MYRIP: variants seen among roughly 807,000 people sequenced by gnomAD.
MYRIP encodes the protein myosin VIIA and Rab interacting protein, also known as rab effector MyRIP.
Under a neutral mutation model 98.0 loss-of-function variants are expected in MYRIP, and 49 were observed. The ratio of observed to expected loss-of-function variants is 0.50; its 90% CI spans 0.40 to 0.63. The LOEUF (loss-of-function observed/expected upper bound fraction) is 0.63. Ranked by LOEUF, MYRIP falls within the 30% of genes least tolerant of loss-of-function variation. The pLI, the probability that MYRIP is intolerant of heterozygous loss-of-function variation, is 0.00. For missense variants in MYRIP, 1,004 were observed against 1,058.2 expected, an observed-to-expected ratio of 0.95 and a Z score of 0.71; for synonymous variants, 404 against 409.5, an observed-to-expected ratio of 0.99 and a Z score of 0.16.
chr3:39,949,919 G>T (rs926164711), intron 2 of MYRIP, among the ~76,000 whole-genome samples: 1 of 152,152 alleles, frequency 6.6e-6, no homozygotes, highest in Middle Eastern at 3.2e-3. Flanking sequence ...GAAGATAAAA[G>T]ATGTTGAAGA....
intron 4 of MYRIP, among the ~76,000 whole-genome samples, chr3:40,154,736 T>C (rs1483292547): frequency 6.6e-6 from 1 of 152,016 alleles, no homozygotes; most frequent in Non-Finnish European, 1.5e-5. Context: ...GATGCATTGT[T>C]CCCCCTGCTG....
intron 2 of MYRIP, among the ~76,000 whole-genome samples, chr3:39,942,186 G>A (rs1944801394): frequency 6.6e-6 from 1 of 152,106 alleles, no homozygotes; most frequent in South Asian, 2.1e-4. Flanking sequence ...GTTCAGAGTT[G>A]GAAATGTGTG....
intron 1 of MYRIP, among the ~76,000 whole-genome samples, chr3:39,839,691 C>T (rs144281434): frequency 4.9e-4 from 75 of 152,166 alleles, no homozygotes; most frequent in African/African-American, 1.7e-3. Context: ...TGTCTTTGTT[C>T]TCATTGGTTG....
chr3:40,030,232 C>T (rs2125817314), intron 2 of MYRIP, among the ~76,000 whole-genome samples: 1 of 152,104 alleles, frequency 6.6e-6, no homozygotes, highest in East Asian at 1.9e-4. Flanking sequence ...CCAATAAACA[C>T]ATGAAAAGAT....
At chr3:40,009,893 G>T (rs548184150) in intron 2 of MYRIP, among the ~76,000 whole-genome samples, 1 of 152,200 alleles carries the variant, frequency 6.6e-6, no homozygotes. Context: ...GGCAACTGAG[G>T]TCAGCGAGTT....
intron 1 of MYRIP, among the ~76,000 whole-genome samples, chr3:39,869,426 C>T (rs1481090869): frequency 6.6e-6 from 1 of 152,058 alleles, no homozygotes; most frequent in African/African-American, 2.4e-5. Flanking sequence ...ATTTCTATCT[C>T]TCTATTGATA....
At position 39,839,503 on chromosome 3, in the gene MYRIP, C is replaced by A. The variant is rs533867103; in HGVS notation, c.-31+29587C>A. 2.0e-5 allele frequency among the ~76,000 whole-genome samples: 3 copies of A among 152,278 alleles called. No individual in the cohort carries two copies. The East Asian group carries it at 5.8e-4, about 29-fold the overall frequency. On this transcript the variant is annotated intron_variant, in intron 1 of 16. Coordinates refer to ENST00000302541, the MANE Select transcript of MYRIP (RefSeq NM_015460.4). Reference sequence around the variant, plus strand: ...AAACTCCTGACCTCACGTGATCTGCCCACCTTGGCCTCGCAAAATGTTGTG... The same window carrying A: ...AAACTCCTGACCTCACGTGATCTGCACACCTTGGCCTCGCAAAATGTTGTG...
At chr3:40,145,866 C>A (rs1559419931) in intron 3 of MYRIP, among the ~76,000 whole-genome samples, 1 of 152,162 alleles carries the variant, frequency 6.6e-6, no homozygotes, top group Non-Finnish European at 1.5e-5. Flanking sequence ...TGGGAGAAGA[C>A]TTCAACAACA....
At chr3:40,148,306 G>T (rs1308892292) in intron 3 of MYRIP, among the ~76,000 whole-genome samples, 1 of 152,166 alleles carries the variant, frequency 6.6e-6, no homozygotes, top group Non-Finnish European at 1.5e-5. Context: ...CAATTGGTAG[G>T]CCGTCTTAAC....
At chr3:39,992,255 C>T (rs541783639) in intron 2 of MYRIP, among the ~76,000 whole-genome samples, 1 of 152,090 alleles carries the variant, frequency 6.6e-6, no homozygotes, top group East Asian at 1.9e-4. Flanking sequence ...CTTTCATCCC[C>T]GGACTCTTTC....
intron 2 of MYRIP, among the ~76,000 whole-genome samples, chr3:39,994,136 G>A (rs1255076710): frequency 1.3e-5 from 2 of 152,222 alleles, no homozygotes; most frequent in African/African-American, 4.8e-5. Context: ...GGTGATTTCT[G>A]CATTTCCAAC....
At chr3:40,127,104 C>G (rs1012874865) in intron 3 of MYRIP, among the ~76,000 whole-genome samples, 1 of 152,148 alleles carries the variant, frequency 6.6e-6, no homozygotes, top group Non-Finnish European at 1.5e-5. Context: ...AGAATAACAA[C>G]CCTTTTGTTT....
At chr3:40,056,844 T>C (rs1343564019) in intron 3 of MYRIP, among the ~76,000 whole-genome samples, 2 of 152,142 alleles carry the variant, frequency 1.3e-5, no homozygotes, top group Non-Finnish European at 2.9e-5. Flanking sequence ...GTGGTATGTG[T>C]TGGAATTACA....
chr3:39,832,429 G>A (rs1941479317), intron 1 of MYRIP, among the ~76,000 whole-genome samples: 1 of 152,134 alleles, frequency 6.6e-6, no homozygotes, highest in Non-Finnish European at 1.5e-5. Flanking sequence ...TTAAACTGAA[G>A]TAGGTCTCAA....
rs192469632 is a variant in MYRIP, at chr3:40,081,743, A to T, written c.332+37472A>T. Reference sequence around the variant, plus strand: ...TGAAATACAACGTATATTATTAGCTATAGTCAACATGTTGTGTAGTAGATC... The same window carrying T: ...TGAAATACAACGTATATTATTAGCTTTAGTCAACATGTTGTGTAGTAGATC... On this transcript the variant is annotated intron_variant, in intron 3 of 16. Transcript: ENST00000302541. 5.3e-5 allele frequency among the ~76,000 whole-genome samples: 8 copies of T among 152,354 alleles called. No homozygotes were observed. The South Asian group carries it at 8.3e-4, about 16-fold the overall frequency.
rs191214633 is a variant in MYRIP, at chr3:40,113,547, G to C, written c.333-37501G>C. Among the ~76,000 whole-genome samples, 434 of 152,334 alleles carry C rather than the reference G, an allele frequency of 2.8e-3. 3 individuals carry two copies. Among genetic ancestry groups the C allele is most frequent in the Admixed American group, 4.1e-3 (62 of 15,300 alleles). ...ATAGTTATTTAATAAATACTGCTGG[G>C]ACAACTGGTTACCCATTTGGAAACA... is the stretch of plus-strand genomic sequence containing the variant. On this transcript the variant is annotated intron_variant, in intron 3 of 16. Coordinates refer to ENST00000302541, the MANE Select transcript of MYRIP (RefSeq NM_015460.4).
intron 2 of MYRIP, among the ~76,000 whole-genome samples, chr3:40,015,391 GA>G (rs1033559339): frequency 4.9e-4 from 74 of 152,324 alleles, no homozygotes; most frequent in African/African-American, 1.7e-3. Flanking sequence ...AGACAAGTGA[GA>G]GAAGCTTTGA....
chr3:39,989,215 T>G lies in MYRIP; in HGVS notation c.111-54835T>G, dbSNP rs190066232. Among the ~76,000 whole-genome samples, 257 of 152,290 alleles carry G rather than the reference T, an allele frequency of 1.7e-3. 4 individuals carry two copies. The Middle Eastern group carries it at 0.02, about 12-fold the overall frequency. On this transcript the variant is annotated intron_variant, in intron 2 of 16. Transcript: ENST00000302541. ...TGGGGATTTTGTGGGGACTTTTTAT[T>G]GTTGATGCTATTGTTGTTGTTGCAT...
intron 2 of MYRIP, among the ~76,000 whole-genome samples, chr3:39,973,501 A>C (rs1027787283): frequency 2.0e-5 from 3 of 152,166 alleles, no homozygotes; most frequent in African/African-American, 7.2e-5. Flanking sequence ...AACGAGACAG[A>C]AAGTTAACAA....
Sources: allele counts gnomAD v4.1 joint callset (sites outside exome capture counted in the v4.1 genomes callset), GRCh38; gene constraint gnomAD v4.1.1; transcripts MANE v1.5; gene names NCBI Gene and HGNC (gene_info 2026-07-23, HGNC 2026-07-21).